The following LPAR6 variants were observed in gnomAD, a reference collection of about 807,000 sequenced individuals.
LPAR6 encodes the protein lysophosphatidic acid receptor 6, also known as G-protein coupled purinergic receptor P2Y5.
In LPAR6, 17 loss-of-function variants were observed where a neutral mutation model predicts 22.0. The ratio of observed to expected loss-of-function variants is 0.77; its 90% CI spans 0.53 to 1.16. The LOEUF (loss-of-function observed/expected upper bound fraction) is 1.16. LPAR6 is among the 50% of genes most tolerant of loss of function. The probability of loss-of-function intolerance (pLI) is 0.00; values close to 1 mark genes in which losing one functional copy is unlikely to be tolerated. For synonymous variants in LPAR6, 136 were observed against 139.8 expected (o/e 0.97, Z 0.19); for missense variants, 384 against 406.9 (o/e 0.94, Z 0.48).
chr13:48,433,954 A>G (rs745894229), intron 1 of LPAR6, among the ~76,000 whole-genome samples: 3 of 151,518 alleles, frequency 2.0e-5, no homozygotes, highest in Non-Finnish European at 4.4e-5. Flanking sequence ...GAACTCCTGG[A>G]CTCAAGTTAT....
intron 1 of LPAR6, among the ~76,000 whole-genome samples, chr13:48,394,381 C>T (rs537652050): frequency 1.3e-5 from 2 of 152,128 alleles, no homozygotes; most frequent in Admixed American, 1.3e-4. Context: ...TCCAGTGGTG[C>T]CTGGAATGAC....
intron 1 of LPAR6, among the ~76,000 whole-genome samples, chr13:48,442,364 C>T (rs1949246420): frequency 6.6e-6 from 1 of 152,066 alleles, no homozygotes; most frequent in South Asian, 2.1e-4. Flanking sequence ...CCATGCCCGG[C>T]TAATTTTTTG....
At chr13:48,433,901 T>C (rs1181955776) in intron 1 of LPAR6, among the ~76,000 whole-genome samples, 4 of 151,830 alleles carry the variant, frequency 2.6e-5, no homozygotes, top group African/African-American at 9.7e-5. Flanking sequence ...ACATATATAC[T>C]TTTTTTCAGA....
chr13:48,404,098 G>A (rs1255461293), intron 1 of LPAR6: 1 of 152,200 alleles, frequency 6.6e-6, no homozygotes, highest in Non-Finnish European at 1.5e-5. Context: ...GCAGAGTTTA[G>A]GCTGAAGCCC....
chr13:48,420,004 T>C (rs1948980777), intron 2 of LPAR6, among the ~76,000 whole-genome samples: 1 of 152,022 alleles, frequency 6.6e-6, no homozygotes, highest in Admixed American at 6.6e-5. Context: ...TTCCAAGCAA[T>C]AGAAGAAAAG....
intron 1 of LPAR6, among the ~76,000 whole-genome samples, chr13:48,394,349 C>CT (rs1948632046): frequency 6.6e-6 from 1 of 152,176 alleles, no homozygotes; most frequent in Non-Finnish European, 1.5e-5. Flanking sequence ...ACCGAGCTAG[C>CT]TGTAGGAGTT....
At chr13:48,391,371 A>G (rs1948609319) in intron 1 of LPAR6, 1 of 152,202 alleles carries the variant, frequency 6.6e-6, no homozygotes, top group South Asian at 2.1e-4. Context: ...CAAGAGAAAA[A>G]AGATGTTTTT....
At chr13:48,438,209 G>C (rs1949202976) in intron 1 of LPAR6, among the ~76,000 whole-genome samples, 1 of 152,132 alleles carries the variant, frequency 6.6e-6, no homozygotes, top group African/African-American at 2.4e-5. Flanking sequence ...TCAAAGGCTT[G>C]TGTGCCAGGT....
chr13:48,434,438 G>T (rs773936583), intron 1 of LPAR6, among the ~76,000 whole-genome samples: 46 of 152,034 alleles, frequency 3.0e-4, no homozygotes, highest in African/African-American at 1.1e-3. Flanking sequence ...TTTTCTTCAG[G>T]TGCTTTTATC....
chr13:48,444,070 A>G (rs1056984805), intron 1 of LPAR6, among the ~76,000 whole-genome samples: 6 of 152,050 alleles, frequency 3.9e-5, no homozygotes, highest in Non-Finnish European at 8.8e-5. Context: ...CTACTTGGAG[A>G]TAGTGTCAGA....
At chr13:48,419,842 A>G (rs1334680554) in intron 2 of LPAR6, among the ~76,000 whole-genome samples, 1 of 152,250 alleles carries the variant, frequency 6.6e-6, no homozygotes, top group African/African-American at 2.4e-5. Context: ...AACCAGGAAG[A>G]AGTCGAATCC....
At chr13:48,430,520 A>G (rs1043940568), upstream of LPAR6, among the ~76,000 whole-genome samples, 1 of 152,140 alleles carries the variant, frequency 6.6e-6, no homozygotes, top group Admixed American at 6.5e-5. Flanking sequence ...CAGGTGGGTC[A>G]TCTGAGGTCA....
upstream of LPAR6, among the ~76,000 whole-genome samples, chr13:48,429,116 T>G (rs1169242363): frequency 6.6e-6 from 1 of 152,224 alleles, no homozygotes; most frequent in Non-Finnish European, 1.5e-5. Context: ...TTTCATATTA[T>G]TGTAATGTTA....
chr13:48,411,527 C>T lies in LPAR6; in HGVS notation c.897G>A (p.Gln299=), dbSNP rs754798982. ...IVYYFTSDTI[Q]NSIKMKNWSV... is the part of the protein sequence containing the mutation. ...ACCAGTTTTTCATTTTTATTGAATT[C>T]TGAATTGTGTCCGATGTAAAGTAGT... The change falls in exon 1 of 1, where the codon CAG becomes CAA. Residue 299 remains glutamine, a synonymous_variant. Coordinates refer to ENST00000620633, the MANE Select transcript of LPAR6 (RefSeq NM_001162498.3). 8 of 1,613,170 alleles carry T rather than the reference C, an allele frequency of 5.0e-6. No homozygotes were observed. The East Asian group carries it at 1.6e-4, about 31-fold the overall frequency.
chr13:48,410,830 G>C (rs4151548), downstream of LPAR6, among the ~76,000 whole-genome samples: 39 of 152,170 alleles, frequency 2.6e-4, no homozygotes, highest in Middle Eastern at 3.4e-3. Flanking sequence ...TACTGCTCAA[G>C]ATCTTCCAAC....
At chr13:48,432,740 A>G (rs1949143098) in intron 1 of LPAR6, among the ~76,000 whole-genome samples, 1 of 152,110 alleles carries the variant, frequency 6.6e-6, no homozygotes, top group African/African-American at 2.4e-5. Flanking sequence ...TGCTTGAGTA[A>G]GCGTACAGGA....
At chr13:48,400,426 T>C (rs1393816039) in intron 1 of LPAR6, among the ~76,000 whole-genome samples, 1 of 152,150 alleles carries the variant, frequency 6.6e-6, no homozygotes, top group Non-Finnish European at 1.5e-5. Context: ...TTAGCCTCTA[T>C]GTTGCCTTTT....
At chr13:48,442,628 T>G (rs186585046) in intron 1 of LPAR6, among the ~76,000 whole-genome samples, 83 of 152,264 alleles carry the variant, frequency 5.5e-4, no homozygotes, top group African/African-American at 1.8e-3. Context: ...TAATGATGGG[T>G]GAGGACTTTG....
At chr13:48,430,801 C>T (rs1054941258), upstream of LPAR6, among the ~76,000 whole-genome samples, 1 of 151,502 alleles carries the variant, frequency 6.6e-6, no homozygotes, top group African/African-American at 2.4e-5. Context: ...CTGTGGCTCA[C>T]ACCTGTAATC....
Sources: allele counts gnomAD v4.1 joint callset (sites outside exome capture counted in the v4.1 genomes callset), GRCh38; gene constraint gnomAD v4.1.1; transcripts MANE v1.5; gene names NCBI Gene and HGNC (gene_info 2026-07-23, HGNC 2026-07-21).